The following TDP1 variants were observed in gnomAD, a reference collection of about 807,000 sequenced individuals.
TDP1 encodes the protein tyrosyl-DNA phosphodiesterase 1, also known as tyr-DNA phosphodiesterase 1.
A neutral mutation model predicts 81.5 loss-of-function variants in TDP1; 64 were observed. The ratio of observed to expected loss-of-function variants is 0.79; its 90% CI spans 0.64 to 0.97. The LOEUF (loss-of-function observed/expected upper bound fraction) is 0.97, where lower values mean the gene tolerates loss of function less well. Ranked by LOEUF, TDP1 falls within the 50% of genes least tolerant of loss-of-function variation. The pLI is 0.00. For synonymous variants in TDP1, 256 were observed against 264.3 expected (o/e 0.97, Z 0.30); for missense variants, 723 against 743.8 (o/e 0.97, Z 0.33).
chr14:89,963,738 A>G lies in TDP1; in HGVS notation c.559+65A>G, dbSNP rs1892609440. The G allele has an allele frequency of 1.3e-5, 20 of 1,567,148 alleles. No homozygotes were observed. In the South Asian group the frequency reaches 1.4e-4, roughly 11 times the overall value. ...CTTGAGAGTCTCTCCTCCGTGAAAC[A>G]AGGAGGGCAGCCTAGAATAGTTTCT... On this transcript the variant is annotated intron_variant, in intron 3 of 16. Coordinates refer to ENST00000335725, the MANE Select transcript of TDP1 (RefSeq NM_018319.4).
chr14:89,963,772 T>C, intron 3 of TDP1, 99 bp downstream of exon 3: 1 of 1,367,868 alleles, frequency 7.3e-7, no homozygotes, highest in Non-Finnish European at 1.0e-6. Context: ...CTGAGAACTC[T>C]TCTTTGTGTT....
intron 4 of TDP1, 146 bp downstream of exon 4, chr14:89,966,336 T>G (rs147353422): frequency 1.4e-6 from 1 of 702,716 alleles, no homozygotes; most frequent in African/African-American, 1.7e-5. Flanking sequence ...CTGGCTCAAG[T>G]GCCACAGTAA....
At chr14:89,994,070 A>G (rs1038261178) in intron 14 of TDP1, among the ~76,000 whole-genome samples, 1 of 152,198 alleles carries the variant, frequency 6.6e-6, no homozygotes, top group Non-Finnish European at 1.5e-5. Flanking sequence ...TAGGAAGATA[A>G]ATTGCTATGC....
intron 15 of TDP1, chr14:90,032,621 T>C (rs113323357): frequency 4.5e-6 from 2 of 444,308 alleles, no homozygotes; most frequent in African/African-American, 2.1e-5. Context: ...TTTTGATAGG[T>C]CTTAAAGAAT....
chr14:89,998,452 G>GTA (rs1200533670), intron 14 of TDP1, among the ~76,000 whole-genome samples: 1 of 113,296 alleles, frequency 8.8e-6, no homozygotes, highest in African/African-American at 3.5e-5. Context: ...ATATGTATAT[G>GTA]TATATATATG....
At chr14:89,983,031 T>G in intron 8 of TDP1, 1 of 436,710 alleles carries the variant, frequency 2.3e-6, no homozygotes, top group Admixed American at 2.7e-5. Flanking sequence ...ATTATAATAA[T>G]TTTCTCATTT....
intron 10 of TDP1, among the ~76,000 whole-genome samples, chr14:89,986,632 T>C (rs1011354013): frequency 7.2e-5 from 11 of 152,232 alleles, no homozygotes; most frequent in Non-Finnish European, 1.0e-4. Flanking sequence ...GGTGATTAGG[T>C]GCCTGTTTCC....
chr14:89,960,988 C>T (rs1005443081), intron 2 of TDP1, among the ~76,000 whole-genome samples: 52 of 152,278 alleles, frequency 3.4e-4, no homozygotes, highest in African/African-American at 1.3e-3. Context: ...AGCACAGCCT[C>T]AGGCAGAGAC....
chr14:90,036,624 TTC>T (rs1887838634), intron 16 of TDP1, among the ~76,000 whole-genome samples: 1 of 152,130 alleles, frequency 6.6e-6, no homozygotes, highest in African/African-American at 2.4e-5. Flanking sequence ...TGTTTATTCA[TTC>T]TCTCCACAGA....
At chr14:90,008,114 C>G (rs904708834) in intron 14 of TDP1, among the ~76,000 whole-genome samples, 7 of 152,110 alleles carry the variant, frequency 4.6e-5, no homozygotes, top group Non-Finnish European at 1.0e-4. Flanking sequence ...TGTTGTATTT[C>G]TTCACTCTAA....
intron 14 of TDP1, among the ~76,000 whole-genome samples, chr14:90,014,232 T>TA (rs1182379967): frequency 7.9e-5 from 12 of 152,248 alleles, no homozygotes; most frequent in Non-Finnish European, 1.5e-5. Flanking sequence ...TTATCAAAAT[T>TA]AAAGATTATG....
chr14:90,021,270 T>A (rs1486110699), intron 15 of TDP1, among the ~76,000 whole-genome samples: 2 of 152,202 alleles, frequency 1.3e-5, no homozygotes, highest in African/African-American at 4.8e-5. Context: ...AACTAACCTC[T>A]TTTAGTTATA....
rs145757479 is a variant in TDP1 at position 90,041,767 on chromosome 14, G to C, written c.1754-1303G>C. On this transcript the variant is annotated intron_variant, in intron 16 of 16. Transcript: ENST00000335725. ...TTTTAATCCTTGTGATGTATTTACG[G>C]TCTACCCATATTATAGTTCTTTTGA... Among the ~76,000 whole-genome samples the C allele has an allele frequency of 2.0e-5, 3 of 152,300 alleles. No individual in the cohort carries two copies. The East Asian group carries it at 5.8e-4, about 29-fold the overall frequency.
chr14:90,004,139 C>T (rs114365691), intron 14 of TDP1, among the ~76,000 whole-genome samples: 47 of 152,198 alleles, frequency 3.1e-4, no homozygotes, highest in Admixed American at 7.8e-4. Context: ...GGTCATATTA[C>T]TACCCTCACC....
At chr14:90,024,951 C>G (rs1252493573) in intron 15 of TDP1, among the ~76,000 whole-genome samples, 1 of 152,134 alleles carries the variant, frequency 6.6e-6, no homozygotes, top group Non-Finnish European at 1.5e-5. Context: ...TGGACATCAT[C>G]CAGAATTTAC....
At chr14:90,026,660 C>T (rs1367018321) in intron 15 of TDP1, among the ~76,000 whole-genome samples, 1 of 152,040 alleles carries the variant, frequency 6.6e-6, no homozygotes. Flanking sequence ...CACCCTGTGT[C>T]CATGTGTTCT....
intron 3 of TDP1, among the ~76,000 whole-genome samples, chr14:89,965,154 C>A (rs192203134): frequency 3.9e-5 from 6 of 152,104 alleles, no homozygotes; most frequent in Admixed American, 6.5e-5. Context: ...TAAGGTAGAA[C>A]CTTCCTTAAC....
intron 12 of TDP1, among the ~76,000 whole-genome samples, chr14:89,990,581 C>T (rs1243734234): frequency 8.8e-6 from 1 of 114,008 alleles, no homozygotes; most frequent in Non-Finnish European, 1.7e-5. Context: ...AATGGCAAAA[C>T]CAAAATTACT....
At position 90,043,416 on chromosome 14, in the gene TDP1, C is replaced by T. The variant is rs1202913080; in HGVS notation, c.*273C>T. 5.6e-6 allele frequency: 3 copies of T among 536,124 alleles called. No homozygotes were observed. In the African/African-American group the frequency reaches 5.7e-5, roughly 10 times the overall value. 33.2% of individuals were successfully genotyped at this position (536,124 alleles called of 1,614,324 possible). On this transcript the variant is annotated 3_prime_UTR_variant, in exon 17 of 17. Transcript: ENST00000335725. ...AAAATACGTACTGCTTGAGTATCCC[C>T]TGTCTGAAATGCTTGGGACCAGAAG...
Sources: gnomAD v4.1 joint callset for allele counts (sites outside exome capture counted in the v4.1 genomes callset) on GRCh38, gnomAD v4.1.1 for gene constraint, MANE v1.5 for transcripts, NCBI Gene and HGNC (gene_info 2026-07-23, HGNC 2026-07-21) for gene names.